Variants in BCAR1 observed in about 807,000 individuals in gnomAD.
The protein encoded by BCAR1 is breast cancer anti-estrogen resistance protein 1.
BCAR1 carries 30 observed loss-of-function variants against 67.6 expected under a neutral mutation model. The observed-to-expected ratio is 0.44, with a 90% confidence interval of 0.33 to 0.60. The LOEUF (loss-of-function observed/expected upper bound fraction) is 0.60, where lower values mean the gene tolerates loss of function less well. Among genes scored for constraint, BCAR1 ranks in the 20% least tolerant of loss-of-function variants. The probability of loss-of-function intolerance (pLI) is 0.02; values close to 1 mark genes in which losing one functional copy is unlikely to be tolerated. For missense variants in BCAR1, 1,313 were observed against 1,222.3 expected (o/e 1.07, Z -1.11); for synonymous variants, 626 against 556.7 (o/e 1.12, Z -1.75).
chr16:75,260,584 A>G (rs143861512), intron 1 of BCAR1, among the ~76,000 whole-genome samples: 1 of 150,136 alleles, frequency 6.7e-6, no homozygotes, highest in Non-Finnish European at 1.5e-5. Flanking sequence ...CAGTGAGCTG[A>G]TATCAGGCCA....
intron 1 of BCAR1, among the ~76,000 whole-genome samples, chr16:75,258,970 G>A (rs576227407): frequency 3.3e-5 from 5 of 152,346 alleles, no homozygotes; most frequent in South Asian, 4.1e-4. Context: ...GAAGGAGGAG[G>A]AGGAGGGACG....
chr16:75,234,859 A>G, intron 5 of BCAR1, 30 bp downstream of exon 5: 1 of 1,516,316 alleles, frequency 6.6e-7, no homozygotes, highest in Non-Finnish European at 8.8e-7. Context: ...GTGGCAGAAG[A>G]GGAGCCGGGG....
At chr16:75,266,969 C>T (rs886303478) in intron 1 of BCAR1, among the ~76,000 whole-genome samples, 3 of 152,188 alleles carry the variant, frequency 2.0e-5, no homozygotes, top group Admixed American at 1.3e-4. Context: ...GGGGCGGGCC[C>T]TTCTGCCTGC....
chr16:75,238,955 T>G, intron 2 of BCAR1: 1 of 985,280 alleles, frequency 1.0e-6, no homozygotes, highest in Non-Finnish European at 1.2e-6. Context: ...GGGATGAGCA[T>G]CCTCCAAAAG....
intron 4 of BCAR1, 104 bp from the exon 5 acceptor site, chr16:75,236,090 A>G: frequency 7.1e-7 from 1 of 1,411,552 alleles, no homozygotes; most frequent in South Asian, 1.4e-5. Context: ...ACACACATAC[A>G]GACACACACA....
chr16:75,233,606 T>C (rs545222331), intron 6 of BCAR1, among the ~76,000 whole-genome samples: 3 of 152,272 alleles, frequency 2.0e-5, no homozygotes, highest in Admixed American at 2.0e-4. Context: ...TATTTTCTGC[T>C]CTCACCCCAC....
chr16:75,266,722 A>G, intron 1 of BCAR1: 1 of 1,419,490 alleles, frequency 7.0e-7, no homozygotes, highest in Non-Finnish European at 9.3e-7. Context: ...ACCCACTCAA[A>G]GGAAGGACCA....
At chr16:75,252,221 C>G, upstream of BCAR1, 6 of 1,536,644 alleles carry the variant, frequency 3.9e-6, no homozygotes. Context: ...GCGCTTTTCA[C>G]GGGCAGCACC....
At chr16:75,267,839 G>A in intron 1 of BCAR1, 2 of 1,481,376 alleles carry the variant, frequency 1.4e-6, no homozygotes, top group Non-Finnish European at 1.8e-6. Context: ...ACCGCCCCAG[G>A]GGCTGCTTAT....
intron 1 of BCAR1, chr16:75,248,271 C>G (rs2077579115): frequency 6.9e-7 from 1 of 1,451,776 alleles, no homozygotes; most frequent in South Asian, 1.4e-5. Flanking sequence ...CCCCAACGCA[C>G]ACATGCACCC....
intron 1 of BCAR1, among the ~76,000 whole-genome samples, chr16:75,244,976 C>T (rs1014884454): frequency 2.0e-5 from 3 of 152,202 alleles, no homozygotes; most frequent in Non-Finnish European, 4.4e-5. Flanking sequence ...ATGAGTGTTT[C>T]TTGCTTTGGG....
At chr16:75,252,248 G>A (rs2077697840), upstream of BCAR1, 2 of 1,536,682 alleles carry the variant, frequency 1.3e-6, no homozygotes, top group Non-Finnish European at 8.7e-7. Flanking sequence ...CCCCTGCATT[G>A]TGCCGACATC....
upstream of BCAR1, chr16:75,251,826 C>T (rs536618274): frequency 3.3e-5 from 11 of 332,954 alleles, no homozygotes; most frequent in South Asian, 1.0e-3. Flanking sequence ...CAGGCCCCTG[C>T]CCGAGGCCAG....
chr16:75,246,723 T>A (rs2077533430), intron 1 of BCAR1: 2 of 152,362 alleles, frequency 1.3e-5, no homozygotes, highest in Non-Finnish European at 2.9e-5. Context: ...CAAGCATTCC[T>A]GCTCTGGACA....
At chr16:75,253,962 T>G (rs1483067751), upstream of BCAR1, among the ~76,000 whole-genome samples, 1 of 130,504 alleles carries the variant, frequency 7.7e-6, no homozygotes, top group Non-Finnish European at 1.6e-5. Flanking sequence ...GGCTCACCGT[T>G]AGCCCCAATT....
rs781722412 is a variant in BCAR1, at chr16:75,235,552, C to T, written c.1347G>A (p.Pro449=). The change falls in exon 5 of 7, where the codon CCG becomes CCA. Residue 449 remains proline (P), a synonymous_variant. Transcript: ENST00000162330. The part of the protein sequence containing the change: ...QSASSLEVAG[P]GREPLELEVA... Reference sequence around the variant, plus strand: ...CTTCCAGCTCCAGGGGTTCCCGGCCCGGCCCTGCCACCTCCAAGGAGGACG... The same window carrying T: ...CTTCCAGCTCCAGGGGTTCCCGGCCTGGCCCTGCCACCTCCAAGGAGGACG... 44 of 1,593,936 alleles carry T rather than the reference C, an allele frequency of 2.8e-5. No individual in the cohort carries two copies. The Admixed American group carries it at 4.2e-4, about 15-fold the overall frequency.
intron 4 of BCAR1, chr16:75,236,361 C>A: frequency 2.9e-6 from 1 of 342,184 alleles, no homozygotes; most frequent in Non-Finnish European, 5.3e-6. Context: ...AGCTGTGATA[C>A]TGCCACTGCC....
rs902557220 is a variant in BCAR1 at position 75,229,501 on chromosome 16, G to A, written c.*10C>T. ...ACCCCTCCCCTGCCTCCCTCCTGGG[G>A]TCACCACCCTCAGGCGGCTGCCAGC... is the stretch of plus-strand genomic sequence containing the variant. On this transcript the variant is annotated 3_prime_UTR_variant, in exon 7 of 7. Transcript: ENST00000162330. 1.3e-6 allele frequency: 2 copies of A among 1,548,854 alleles called. No homozygotes were observed. Among genetic ancestry groups the A allele is most frequent in the Middle Eastern group, 4.2e-4 (2 of 4,740 alleles).
At chr16:75,266,863 C>T (rs1348752858) in intron 1 of BCAR1, 4 of 1,164,238 alleles carry the variant, frequency 3.4e-6, no homozygotes, top group Non-Finnish European at 4.4e-6. Context: ...GAGCCAGCTC[C>T]ATGAGGCTGG....
Sources: gnomAD v4.1 joint callset for allele counts (sites outside exome capture counted in the v4.1 genomes callset) on GRCh38, gnomAD v4.1.1 for gene constraint, MANE v1.5 for transcripts, NCBI Gene and HGNC (gene_info 2026-07-23, HGNC 2026-07-21) for gene names.